The following SPATA9 variants were observed in gnomAD, a reference collection of about 807,000 sequenced individuals.
SPATA9 encodes spermatogenesis-associated protein 9.
A neutral mutation model predicts 25.5 loss-of-function variants in SPATA9; 27 were observed. The ratio of observed to expected loss-of-function variants is 1.06; its 90% CI spans 0.78 to 1.46. SPATA9 has a LOEUF of 1.46. Among genes scored for constraint, SPATA9 ranks in the 40% most tolerant of loss-of-function variants. The probability of loss-of-function intolerance (pLI) is 0.00; values close to 1 mark genes in which losing one functional copy is unlikely to be tolerated. For missense variants in SPATA9, 282 were observed against 297.5 expected, an observed-to-expected ratio of 0.95 and a Z score of 0.38; for synonymous variants, 102 against 105.7, an observed-to-expected ratio of 0.97 and a Z score of 0.21.
At chr5:95,711,128 A>C in the SPATA9 span, among the ~76,000 whole-genome samples, 1 of 152,112 alleles carries the variant, frequency 6.6e-6, no homozygotes, top group Non-Finnish European at 1.5e-5. Context: ...CGGCTCCCTT[A>C]ATACCCGTGA....
downstream of SPATA9, chr5:95,655,932 A>G (rs1054426557): frequency 6.6e-5 from 62 of 942,468 alleles, no homozygotes; most frequent in Admixed American, 1.6e-4. Context: ...CATAGGAGGA[A>G]AAAAAGAAAA....
At chr5:95,671,708 C>T (rs761541434) in intron 3 of SPATA9, among the ~76,000 whole-genome samples, 4 of 151,996 alleles carry the variant, frequency 2.6e-5, no homozygotes, top group East Asian at 1.9e-4. Context: ...CACGCCTGGC[C>T]GCTATTTGTT....
chr5:95,653,333 A>G, downstream of SPATA9: 5 of 1,373,932 alleles, frequency 3.6e-6, no homozygotes, highest in East Asian at 5.0e-5. Flanking sequence ...ACCTTAGCCA[A>G]GAGGCTGAAG....
At chr5:95,682,733 G>A in intron 1 of SPATA9, 61 bp downstream of exon 1, 1 of 1,511,900 alleles carries the variant, frequency 6.6e-7, no homozygotes. Context: ...AGGAACTCTA[G>A]GGGATCTTAT....
the SPATA9 span, among the ~76,000 whole-genome samples, chr5:95,725,307 A>G: frequency 1.3e-5 from 2 of 152,262 alleles, no homozygotes; most frequent in Admixed American, 6.5e-5. Flanking sequence ...AAATACCTAC[A>G]GTGTGATCCC....
At chr5:95,711,171 G>A in the SPATA9 span, among the ~76,000 whole-genome samples, 5 of 152,076 alleles carry the variant, frequency 3.3e-5, no homozygotes, top group Non-Finnish European at 7.4e-5. Context: ...CAAAGTTCTC[G>A]TTCCACTTGA....
At chr5:95,717,301 T>C in the SPATA9 span, among the ~76,000 whole-genome samples, 2 of 152,200 alleles carry the variant, frequency 1.3e-5, no homozygotes, top group African/African-American at 4.8e-5. Flanking sequence ...GCCTATCCTG[T>C]AGACTGTGGA....
At chr5:95,672,302 C>A (rs781048757) in intron 3 of SPATA9, among the ~76,000 whole-genome samples, 1 of 152,020 alleles carries the variant, frequency 6.6e-6, no homozygotes, top group Non-Finnish European at 1.5e-5. Context: ...CCAGGCTTTC[C>A]CCTTATAAAG....
upstream of SPATA9, among the ~76,000 whole-genome samples, chr5:95,699,008 C>G (rs1754111165): frequency 1.3e-5 from 2 of 152,172 alleles, no homozygotes; most frequent in Non-Finnish European, 2.9e-5. Context: ...AAGGCGCAGG[C>G]TTGAAGGTCA....
intron 1 of SPATA9, among the ~76,000 whole-genome samples, chr5:95,690,897 T>C (rs780866132): frequency 7.2e-5 from 11 of 152,344 alleles, no homozygotes; most frequent in Non-Finnish European, 1.0e-4. Flanking sequence ...TTTTAATCTA[T>C]ATATAGTCAA....
the SPATA9 span, among the ~76,000 whole-genome samples, chr5:95,728,434 AATCT>A: frequency 5.9e-5 from 9 of 152,190 alleles, no homozygotes; most frequent in Admixed American, 2.0e-4. Context: ...ACAAATTCTT[AATCT>A]ATTAAGACCT....
intron 2 of SPATA9, among the ~76,000 whole-genome samples, chr5:95,678,467 A>G (rs1753146146): frequency 6.6e-6 from 1 of 152,222 alleles, no homozygotes; most frequent in South Asian, 2.1e-4. Context: ...CGATTTAGTA[A>G]TCATTATTCT....
At position 95,659,037 on chromosome 5, in the gene SPATA9, T is replaced by A. The variant is rs1329505752; in HGVS notation, c.475-124A>T. 2.5e-6 allele frequency: 3 copies of A among 1,216,330 alleles called. No homozygotes were observed. In the African/African-American group the frequency reaches 4.6e-5, roughly 19 times the overall value. The allele number at this position is 1,216,330 out of a possible 1,614,324, so 75.3% of individuals were successfully genotyped here. A position where few individuals can be genotyped will look rare whatever the true frequency, so the allele number is the denominator to read the frequency against. ...TCTACATAATCTAATAAAAAACACT[T>A]CTTTTCAGGACCTTCAGGTACATAA... On this transcript the variant is annotated intron_variant, in intron 4 of 4. Transcript: ENST00000274432.
intron 3 of SPATA9, among the ~76,000 whole-genome samples, chr5:95,671,503 G>A (rs994068079): frequency 4.6e-5 from 7 of 152,118 alleles, no homozygotes; most frequent in Non-Finnish European, 1.0e-4. Flanking sequence ...CTCGCCTCCA[G>A]GGTTCAAGCG....
intron 4 of SPATA9, 115 bp from the exon 5 acceptor site, chr5:95,659,028 A>C: frequency 7.5e-7 from 1 of 1,337,666 alleles, no homozygotes; most frequent in Non-Finnish European, 1.0e-6. Context: ...TAATCTAATA[A>C]AAAACACTTC....
intron 3 of SPATA9, among the ~76,000 whole-genome samples, chr5:95,667,096 G>T (rs1481234778): frequency 1.3e-5 from 2 of 151,888 alleles, no homozygotes; most frequent in Non-Finnish European, 2.9e-5. Flanking sequence ...ATTCTTTCTT[G>T]TTTTCTATAT....
At chr5:95,725,387 A>G in the SPATA9 span, among the ~76,000 whole-genome samples, 1 of 152,268 alleles carries the variant, frequency 6.6e-6, no homozygotes, top group South Asian at 2.1e-4. Context: ...GGTTGTAAAA[A>G]TCTAATGAAA....
chr5:95,684,342 T>A (rs1753674008), upstream of SPATA9, among the ~76,000 whole-genome samples: 2 of 152,076 alleles, frequency 1.3e-5, no homozygotes, highest in South Asian at 4.1e-4. Flanking sequence ...CTCTTTCTGG[T>A]CTTCCTCCCT....
the SPATA9 span, among the ~76,000 whole-genome samples, chr5:95,717,334 C>T: frequency 6.6e-6 from 1 of 152,180 alleles, no homozygotes. Flanking sequence ...TCCACAATTG[C>T]ATGAGCCAAT....
Sources: gnomAD v4.1 joint callset for allele counts (sites outside exome capture counted in the v4.1 genomes callset) on GRCh38, gnomAD v4.1.1 for gene constraint, MANE v1.5 for transcripts, NCBI Gene and HGNC (gene_info 2026-07-23, HGNC 2026-07-21) for gene names.